DYNC1I1: variants seen among roughly 807,000 people sequenced by gnomAD.
The protein encoded by DYNC1I1 is cytoplasmic dynein 1 intermediate chain 1.
DYNC1I1 carries 43 observed loss-of-function variants against 86.6 expected under a neutral mutation model. That is an observed-to-expected ratio of 0.50 (90% confidence interval 0.39 to 0.64). DYNC1I1 has a LOEUF of 0.64. Ranked by LOEUF, DYNC1I1 falls within the 30% of genes least tolerant of loss-of-function variation. DYNC1I1 has a pLI of 0.00. For missense variants in DYNC1I1, 604 were observed against 788.8 expected (o/e 0.77, Z 2.81); for synonymous variants, 262 against 283.7 (o/e 0.92, Z 0.77).
intron 9 of DYNC1I1, among the ~76,000 whole-genome samples, chr7:95,995,065 G>C (rs1434266484): frequency 6.6e-6 from 1 of 151,898 alleles, no homozygotes; most frequent in Admixed American, 6.6e-5. Context: ...GGCTAACACG[G>C]TGAAACCCCG....
At chr7:95,855,798 A>T (rs1427123063) in intron 5 of DYNC1I1, among the ~76,000 whole-genome samples, 1 of 152,212 alleles carries the variant, frequency 6.6e-6, no homozygotes, top group African/African-American at 2.4e-5. Context: ...GGTATAAAAG[A>T]TAAAAAATGG....
chr7:96,004,646 GCACA>G (rs34562315), intron 10 of DYNC1I1, among the ~76,000 whole-genome samples: 25,329 of 146,110 alleles, frequency 0.17, 2,271 homozygotes, highest in South Asian at 0.32. Flanking sequence ...ATAAATGCAT[GCACA>G]CACACACACA....
intron 11 of DYNC1I1, 92 bp from the exon 12 acceptor site, chr7:96,032,575 T>C (rs1794838700): frequency 6.1e-6 from 6 of 983,858 alleles, no homozygotes; most frequent in African/African-American, 1.6e-5. Context: ...TGTTACTCTT[T>C]AATCCTTGTT....
At chr7:95,849,138 G>A (rs1429875721) in intron 5 of DYNC1I1, among the ~76,000 whole-genome samples, 1 of 152,068 alleles carries the variant, frequency 6.6e-6, no homozygotes, top group Non-Finnish European at 1.5e-5. Context: ...TTAATCAGAT[G>A]TAAGTTTGCA....
intron 1 of DYNC1I1, among the ~76,000 whole-genome samples, chr7:95,791,946 T>G (rs1235787415): frequency 6.6e-6 from 1 of 152,234 alleles, no homozygotes; most frequent in Non-Finnish European, 1.5e-5. Flanking sequence ...AAAATTTCTC[T>G]GATTTTCGTC....
chr7:95,794,906 C>G (rs1794398138), intron 1 of DYNC1I1, among the ~76,000 whole-genome samples: 1 of 152,158 alleles, frequency 6.6e-6, no homozygotes, highest in Non-Finnish European at 1.5e-5. Context: ...GAAAAATCAA[C>G]ATAATGTTTC....
At chr7:95,829,442 A>G (rs1795273286) in intron 5 of DYNC1I1, among the ~76,000 whole-genome samples, 1 of 152,188 alleles carries the variant, frequency 6.6e-6, no homozygotes, top group Admixed American at 6.5e-5. Flanking sequence ...TAAATAACCA[A>G]GAGATATGGC....
At chr7:95,781,028 G>A (rs1176242073) in intron 1 of DYNC1I1, among the ~76,000 whole-genome samples, 3 of 152,074 alleles carry the variant, frequency 2.0e-5, no homozygotes, top group Non-Finnish European at 4.4e-5. Context: ...CTTCTCTGCC[G>A]GCTTCCTTGA....
intron 14 of DYNC1I1, among the ~76,000 whole-genome samples, chr7:96,048,915 C>T (rs1472487388): frequency 6.6e-6 from 1 of 152,156 alleles, no homozygotes; most frequent in East Asian, 1.9e-4. Flanking sequence ...TTCTCCTCTT[C>T]TTAATCTCTA....
intron 6 of DYNC1I1, among the ~76,000 whole-genome samples, chr7:95,900,973 T>G (rs1281213601): frequency 2.6e-5 from 4 of 152,240 alleles, no homozygotes; most frequent in African/African-American, 9.6e-5. Context: ...CTTTAATTTC[T>G]TATTTGGTTG....
rs544892518 is a variant in DYNC1I1, at chr7:95,931,557, T to C, written c.491-45955T>C. Among the ~76,000 whole-genome samples the C allele has an allele frequency of 1.3e-3, 204 of 152,340 alleles. 2 individuals carry two copies. Among genetic ancestry groups the C allele is most frequent in the South Asian group, 2.7e-3 (13 of 4,822 alleles). On this transcript the variant is annotated intron_variant, in intron 6 of 16. Transcript: ENST00000447467. ...TTGTTCCACATAGATATTCCTTTCA[T>C]CAGACTAGTTTGTATTGTTCTAGTT...
At chr7:96,098,950 C>T (rs1014404049), downstream of DYNC1I1, among the ~76,000 whole-genome samples, 1 of 152,022 alleles carries the variant, frequency 6.6e-6, no homozygotes, top group Non-Finnish European at 1.5e-5. Flanking sequence ...TTCAACTGTA[C>T]GGTTTCTTTT....
At chr7:95,785,578 C>G (rs1354003561) in intron 1 of DYNC1I1, among the ~76,000 whole-genome samples, 1 of 151,748 alleles carries the variant, frequency 6.6e-6, no homozygotes, top group East Asian at 1.9e-4. Context: ...ATCTGATCCT[C>G]CTTCCCAAAA....
At chr7:96,038,506 G>T (rs1217878691) in intron 13 of DYNC1I1, among the ~76,000 whole-genome samples, 1 of 152,074 alleles carries the variant, frequency 6.6e-6, no homozygotes, top group Admixed American at 6.6e-5. Context: ...TCTCAAATGT[G>T]CTTCTGTTTT....
At chr7:96,019,822 G>A (rs1017661196) in intron 10 of DYNC1I1, among the ~76,000 whole-genome samples, 1 of 152,116 alleles carries the variant, frequency 6.6e-6, no homozygotes, top group Non-Finnish European at 1.5e-5. Flanking sequence ...AGAAAGATTT[G>A]TTGAGCAAGA....
At chr7:95,854,154 T>C (rs2116083801) in intron 5 of DYNC1I1, among the ~76,000 whole-genome samples, 1 of 152,342 alleles carries the variant, frequency 6.6e-6, no homozygotes, top group Admixed American at 6.5e-5. Flanking sequence ...AATTGATAGA[T>C]ACAAATATTC....
At chr7:96,005,608 C>G (rs528581174) in intron 10 of DYNC1I1, among the ~76,000 whole-genome samples, 19 of 152,226 alleles carry the variant, frequency 1.2e-4, no homozygotes, top group Non-Finnish European at 2.5e-4. Context: ...AGCTGGACAG[C>G]CAGCAAACAA....
chr7:95,918,304 T>C (rs922839405), intron 6 of DYNC1I1, among the ~76,000 whole-genome samples: 8 of 152,224 alleles, frequency 5.3e-5, no homozygotes, highest in African/African-American at 1.9e-4. Context: ...TCGGTCTAAG[T>C]GTCCACTAGT....
intron 6 of DYNC1I1, among the ~76,000 whole-genome samples, chr7:95,942,049 CA>C (rs1554416183): frequency 6.6e-6 from 1 of 152,006 alleles, no homozygotes; most frequent in Non-Finnish European, 1.5e-5. Context: ...AATAGAGACA[CA>C]AAAAACCCTT....
Sources: gnomAD v4.1 joint callset for allele counts (sites outside exome capture counted in the v4.1 genomes callset) on GRCh38, gnomAD v4.1.1 for gene constraint, MANE v1.5 for transcripts, NCBI Gene and HGNC (gene_info 2026-07-23, HGNC 2026-07-21) for gene names.